SSH2: variants seen among roughly 807,000 people sequenced by gnomAD.
SSH2 encodes the protein slingshot protein phosphatase 2, also known as protein phosphatase Slingshot homolog 2.
In SSH2, 37 loss-of-function variants were observed where a neutral mutation model predicts 135.2. The ratio of observed to expected loss-of-function variants is 0.27; its 90% CI spans 0.21 to 0.36. The LOEUF is 0.36. Among genes scored for constraint, SSH2 ranks in the 10% least tolerant of loss-of-function variants. The probability of loss-of-function intolerance (pLI) is 1.00; values close to 1 mark genes in which losing one functional copy is unlikely to be tolerated. For missense variants in SSH2, 1,408 were observed against 1,765.3 expected (o/e 0.80, Z 3.63); for synonymous variants, 628 against 646.2 (o/e 0.97, Z 0.43).
intron 3 of SSH2, chr17:29,761,199 G>T (rs775962000): frequency 7.8e-7 from 1 of 1,289,580 alleles, no homozygotes; most frequent in South Asian, 1.2e-5. Context: ...GAGAAGTAAG[G>T]AATCATGTCG....
intron 11 of SSH2, among the ~76,000 whole-genome samples, chr17:29,664,373 CAAA>C (rs61290148): frequency 3.1e-5 from 2 of 64,506 alleles, no homozygotes; most frequent in African/African-American, 6.0e-5. Context: ...ACTCCGTCTC[CAAA>C]AAAAAAAAAA....
At chr17:29,750,386 C>G (rs2040892472) in intron 3 of SSH2, among the ~76,000 whole-genome samples, 1 of 150,038 alleles carries the variant, frequency 6.7e-6, no homozygotes, top group Admixed American at 6.6e-5. Flanking sequence ...TGGCAGCGAG[C>G]CGAGATCATG....
chr17:29,710,624 C>T (rs2039399527), intron 3 of SSH2, among the ~76,000 whole-genome samples: 2 of 152,206 alleles, frequency 1.3e-5, no homozygotes, highest in Non-Finnish European at 2.9e-5. Context: ...GAAAGGAATT[C>T]ATGTTCCCAC....
chr17:29,746,750 G>GA (rs1211517322), intron 3 of SSH2, among the ~76,000 whole-genome samples: 1 of 151,836 alleles, frequency 6.6e-6, no homozygotes, highest in Admixed American at 6.6e-5. Flanking sequence ...AAAATCAGAG[G>GA]AAAAAAACTC....
chr17:29,775,820 A>G (rs748258927), intron 3 of SSH2: 6 of 152,220 alleles, frequency 3.9e-5, no homozygotes, highest in Admixed American at 1.3e-4. Flanking sequence ...AATTTTAAAC[A>G]TAACCTGAAA....
rs905258007 is a variant in SSH2, at chr17:29,631,730, C to A, written c.3464G>T (p.Ser1155Ile). ...VSHTTHLLSASLDYLHPQTMV... is the reference protein window; with the variant it reads ...VSHTTHLLSAILDYLHPQTMV... ...AGTCTGGGGATGCAGGTAATCCAAACTGGCAGACAGTAAATGGGTTGTATG... is the reference window on the plus strand; with the variant it reads ...AGTCTGGGGATGCAGGTAATCCAAAATGGCAGACAGTAAATGGGTTGTATG... The change falls in exon 16 of 16, where the codon AGT becomes ATT. Residue 1155 changes from serine (S) to isoleucine (I), a missense_variant. By Grantham distance (142) the Ser-to-Ile change is moderately radical. This residue lies in a region of SSH2 where 1,080 missense variants were observed against 1,144.5 expected (regional missense o/e 0.94). Transcript: ENST00000540801. 6.2e-7 allele frequency: 1 copy of A among 1,614,200 alleles called. No homozygotes were observed. The highest frequency in any genetic ancestry group is 8.5e-7 in the Non-Finnish European group (1 of 1,180,034).
intron 6 of SSH2, among the ~76,000 whole-genome samples, 194 bp from the exon 7 acceptor site, chr17:29,677,935 A>C (rs989684702): frequency 1.4e-5 from 2 of 144,814 alleles, no homozygotes; most frequent in Non-Finnish European, 2.9e-5. Context: ...AGAGATAGTC[A>C]GTCAGTTCCT....
chr17:29,924,617 A>AT (rs1162775179), intron 1 of SSH2, among the ~76,000 whole-genome samples: 2 of 151,928 alleles, frequency 1.3e-5, no homozygotes, highest in East Asian at 3.9e-4. Context: ...CAATTTTTTT[A>AT]TTATGCCAGG....
At chr17:29,721,961 G>A (rs1415016265) in intron 3 of SSH2, among the ~76,000 whole-genome samples, 3 of 152,132 alleles carry the variant, frequency 2.0e-5, no homozygotes, top group Admixed American at 6.6e-5. Context: ...GGGTGGGCAG[G>A]GTAATGTTTC....
At chr17:29,853,672 T>C (rs186098438) in intron 1 of SSH2, among the ~76,000 whole-genome samples, 19 of 152,042 alleles carry the variant, frequency 1.2e-4, no homozygotes, top group Non-Finnish European at 2.1e-4. Flanking sequence ...TGCCACCTAC[T>C]AGCAGTGTGA....
At chr17:29,696,289 T>C (rs1040278813) in intron 4 of SSH2, among the ~76,000 whole-genome samples, 10 of 150,146 alleles carry the variant, frequency 6.7e-5, no homozygotes, top group Non-Finnish European at 1.0e-4. Context: ...TATATATATG[T>C]ATATACACAT....
In SSH2 at chr17:29,768,446, C is replaced by T. The variant is rs144581992; in HGVS notation, c.188+25448G>A. ...AGCTGGGACTGCAGGCATGTAACACCACACCTGTCGAGACGAAGTCTTGCC... is the reference window on the plus strand; with the variant it reads ...AGCTGGGACTGCAGGCATGTAACACTACACCTGTCGAGACGAAGTCTTGCC... On this transcript the variant is annotated intron_variant, in intron 3 of 15. Transcript: ENST00000540801. Among the ~76,000 whole-genome samples, 11 of 152,094 alleles carry T rather than the reference C, an allele frequency of 7.2e-5. 1 individual carries two copies. Among genetic ancestry groups the T allele is most frequent in the African/African-American group, 2.4e-4 (10 of 41,508 alleles).
At chr17:29,751,181 C>T (rs556297672) in intron 3 of SSH2, among the ~76,000 whole-genome samples, 9 of 152,178 alleles carry the variant, frequency 5.9e-5, no homozygotes, top group African/African-American at 2.2e-4. Flanking sequence ...TCTGGGAGGC[C>T]GAGGCGGGTG....
intron 2 of SSH2, among the ~76,000 whole-genome samples, chr17:29,820,088 T>C (rs2042626880): frequency 6.6e-6 from 1 of 152,242 alleles, no homozygotes; most frequent in Non-Finnish European, 1.5e-5. Flanking sequence ...CCATTTTTTC[T>C]ATTTTACGTG....
At position 29,676,883 on chromosome 17, in the gene SSH2, C is replaced by T; in HGVS notation, c.551G>A (p.Gly184Glu). 1 of 1,613,510 alleles carries T rather than the reference C, an allele frequency of 6.2e-7. No homozygotes were observed. The highest frequency in any genetic ancestry group is 8.5e-7 in the Non-Finnish European group (1 of 1,179,630). ...TCTGTTATCCGTCGATACACTGAAC[C>T]CACTAAGGACAAATGAGAACAAGAC... is the stretch of plus-strand genomic sequence containing the variant. ...DTLIHLDGDG[G>E]FSVSTDNRVH... is the part of the protein sequence containing the mutation. The change falls in exon 8 of 16, where the codon GGG becomes GAG. Residue 184 changes from glycine to glutamate, a missense_variant and splice_region_variant. By Grantham distance (98) the Gly-to-Glu change is moderately conservative. Transcript: ENST00000540801.
At chr17:29,778,046 T>A (rs991967843) in intron 3 of SSH2, among the ~76,000 whole-genome samples, 16 of 150,824 alleles carry the variant, frequency 1.1e-4, no homozygotes, top group Non-Finnish European at 1.5e-4. Flanking sequence ...AAAAAAAAAA[T>A]AAGTACTGCA....
chr17:29,888,779 TAA>T (rs869310143), intron 1 of SSH2, among the ~76,000 whole-genome samples: 9 of 118,368 alleles, frequency 7.6e-5, no homozygotes, highest in Non-Finnish European at 9.1e-5. Flanking sequence ...ACAAAAAACT[TAA>T]AAAAAAAAAA....
intron 3 of SSH2, among the ~76,000 whole-genome samples, chr17:29,733,463 A>G (rs1380193396): frequency 5.9e-5 from 9 of 152,260 alleles, no homozygotes; most frequent in Non-Finnish European, 1.3e-4. Context: ...CAATTATGAA[A>G]TTTCTTCTGC....
At chr17:29,892,338 G>T (rs966164616) in intron 1 of SSH2, among the ~76,000 whole-genome samples, 1 of 151,762 alleles carries the variant, frequency 6.6e-6, no homozygotes, top group Non-Finnish European at 1.5e-5. Context: ...TTTATAAACT[G>T]CTTCCCTGGT....
Sources: allele counts gnomAD v4.1 joint callset (sites outside exome capture counted in the v4.1 genomes callset), GRCh38; gene constraint gnomAD v4.1.1; regional missense constraint gnomAD v4.1.1; transcripts MANE v1.5; gene names NCBI Gene and HGNC (gene_info 2026-07-23, HGNC 2026-07-21).